C4orf17: variants seen among roughly 807,000 people sequenced by gnomAD.
C4orf17 encodes uncharacterized protein C4orf17.
A neutral mutation model predicts 32.0 loss-of-function variants in C4orf17; 25 were observed. That is an observed-to-expected ratio of 0.78 (90% CI 0.57 to 1.09). C4orf17 has a LOEUF of 1.09. Among genes scored for constraint, C4orf17 ranks in the 50% least tolerant of loss-of-function variants. C4orf17 has a pLI of 0.00. For missense variants in C4orf17, 420 were observed against 420.0 expected (o/e 1.00, Z 0.00); for synonymous variants, 149 against 145.8 (o/e 1.02, Z -0.16).
At chr4:99,517,829 T>A (rs1723212306) in intron 2 of C4orf17, among the ~76,000 whole-genome samples, 1 of 152,176 alleles carries the variant, frequency 6.6e-6, no homozygotes, top group South Asian at 2.1e-4. Context: ...TCTTCAAAAG[T>A]TTAGACCTGT....
chr4:99,522,793 C>T, intron 3 of C4orf17, 84 bp downstream of exon 3: 3 of 1,060,074 alleles, frequency 2.8e-6, no homozygotes, highest in Non-Finnish European at 4.1e-6. Flanking sequence ...GCTAAAATAG[C>T]TGCAGTGGTT....
At chr4:99,532,187 C>T (rs1414926568) in intron 5 of C4orf17, among the ~76,000 whole-genome samples, 1 of 152,096 alleles carries the variant, frequency 6.6e-6, no homozygotes, top group Non-Finnish European at 1.5e-5. Flanking sequence ...CCAGCAGTCC[C>T]ATTACTGGGT....
At chr4:99,520,015 AT>A (rs1723256765) in intron 2 of C4orf17, among the ~76,000 whole-genome samples, 1 of 152,112 alleles carries the variant, frequency 6.6e-6, no homozygotes, top group African/African-American at 2.4e-5. Context: ...CTTGGATTAC[AT>A]TGTCTTGGCC....
At chr4:99,526,242 G>A (rs1247367013) in intron 4 of C4orf17, among the ~76,000 whole-genome samples, 1 of 152,154 alleles carries the variant, frequency 6.6e-6, no homozygotes, top group African/African-American at 2.4e-5. Flanking sequence ...TCAGTATCTA[G>A]CTGAGATGAT....
rs141069743 is a variant in C4orf17, at chr4:99,538,423, C to G, written c.628+673C>G. 2.0e-5 allele frequency among the ~76,000 whole-genome samples: 3 copies of G among 152,200 alleles called. No homozygotes were observed. The South Asian group carries it at 6.2e-4, about 32-fold the overall frequency. Reference sequence around the variant, plus strand: ...GATGCTGATAATGCTGGTCTCAGCACTACTCTTTGAGAATCACTGCACTGA... The same window carrying G: ...GATGCTGATAATGCTGGTCTCAGCAGTACTCTTTGAGAATCACTGCACTGA... On this transcript the variant is annotated intron_variant, in intron 6 of 8. Transcript: ENST00000326581.
Position 99,542,219 on chromosome 4 carries a change from AT to A in C4orf17, c.*111del. On this transcript the variant is annotated 3_prime_UTR_variant, in exon 9 of 9. Coordinates refer to ENST00000326581, the MANE Select transcript of C4orf17 (RefSeq NM_032149.3). ...ATTGAGGAATCAAGTGGTCCTCTTT[AT>A]GGTGGCACATGTAAATCTAAAAATA... 1 of 835,838 alleles carries A rather than the reference AT, an allele frequency of 1.2e-6. No homozygotes were observed. Among genetic ancestry groups the A allele is most frequent in the Non-Finnish European group, 2.0e-6 (1 of 508,120 alleles). The allele number at this position is 835,838 out of a possible 1,614,324, so 51.8% of individuals were successfully genotyped here.
At chr4:99,541,367 A>G (rs1360008729) in intron 8 of C4orf17, 2 of 153,460 alleles carry the variant, frequency 1.3e-5, no homozygotes, top group East Asian at 3.8e-4. Flanking sequence ...ACATCATGAC[A>G]GTGATGGTTT....
At chr4:99,536,051 T>C (rs1175577778) in intron 5 of C4orf17, 2 of 425,860 alleles carry the variant, frequency 4.7e-6, no homozygotes, top group Non-Finnish European at 9.2e-6. Flanking sequence ...AGAGGTATCA[T>C]CAGTGAGAGT....
intron 2 of C4orf17, chr4:99,519,188 G>A (rs1723245321): frequency 6.6e-6 from 1 of 152,216 alleles, no homozygotes; most frequent in Non-Finnish European, 1.5e-5. Flanking sequence ...TTCCAGATAA[G>A]GGGGCCAGGC....
chr4:99,515,525 A>C (rs1164584344), intron 2 of C4orf17, among the ~76,000 whole-genome samples: 2 of 152,076 alleles, frequency 1.3e-5, no homozygotes, highest in Non-Finnish European at 2.9e-5. Flanking sequence ...GAGGGGAACA[A>C]CACACACTGG....
At chr4:99,518,518 AATAT>A (rs1323508832) in intron 2 of C4orf17, among the ~76,000 whole-genome samples, 17 of 16,828 alleles carry the variant, frequency 1.0e-3, no homozygotes, top group South Asian at 4.3e-3. Flanking sequence ...AAAAAAAAAA[AATAT>A]ATATATATAT....
rs1000895387 is a variant in C4orf17, at chr4:99,524,092, G to A, written c.338-429G>A. ...CCTCCTGGGTTCACGCCATTCTCCT[G>A]CCTCAGCCTCCCAAGTAGCTGGGAC... On this transcript the variant is annotated intron_variant, in intron 3 of 8. Coordinates refer to ENST00000326581, the MANE Select transcript of C4orf17 (RefSeq NM_032149.3). 4.7e-5 allele frequency among the ~76,000 whole-genome samples: 7 copies of A among 147,746 alleles called. No individual in the cohort carries two copies. The East Asian group carries it at 1.4e-3, about 30-fold the overall frequency.
Position 99,522,717 on chromosome 4 carries a change from G to GAGTT in C4orf17, c.337+11_337+14dup. 6.2e-7 allele frequency: 1 copy of GAGTT among 1,608,060 alleles called. No individual in the cohort carries two copies. Among genetic ancestry groups the GAGTT allele is most frequent in the Admixed American group, 1.7e-5 (1 of 59,858 alleles). ...CTCCACGGCCTCATTCTGGTGAGTTGAGTTAGAACTGATGAAATGTTTCCT... is the reference window on the plus strand; with the variant it reads ...CTCCACGGCCTCATTCTGGTGAGTTGAGTTAGTTAGAACTGATGAAATGTTTCCT... On this transcript the variant is annotated intron_variant, in intron 3 of 8. Transcript: ENST00000326581.
chr4:99,537,126 G>C (rs1283739608), intron 5 of C4orf17, among the ~76,000 whole-genome samples: 2 of 152,110 alleles, frequency 1.3e-5, no homozygotes, highest in African/African-American at 4.8e-5. Flanking sequence ...ATTTACCTTA[G>C]ACCTTGGTAC....
intron 7 of C4orf17, 101 bp downstream of exon 7, chr4:99,539,471 A>AG: frequency 8.7e-6 from 8 of 920,010 alleles, no homozygotes; most frequent in Non-Finnish European, 1.4e-5. Context: ...AGGAGGTTCT[A>AG]AAGCTCCGCT....
intron 2 of C4orf17, among the ~76,000 whole-genome samples, chr4:99,516,119 G>T (rs1481080851): frequency 6.6e-6 from 1 of 152,150 alleles, no homozygotes; most frequent in African/African-American, 2.4e-5. Context: ...AAAGGGAGAA[G>T]GTGAAGTCAT....
At chr4:99,516,413 C>G (rs1187581827) in intron 2 of C4orf17, among the ~76,000 whole-genome samples, 3 of 152,176 alleles carry the variant, frequency 2.0e-5, no homozygotes, top group East Asian at 1.9e-4. Context: ...TGGGAGTCAT[C>G]AGCATAGAAA....
chr4:99,539,047 A>C, intron 6 of C4orf17, 116 bp from the exon 7 acceptor site: 2 of 946,396 alleles, frequency 2.1e-6, no homozygotes, highest in Non-Finnish European at 3.3e-6. Flanking sequence ...ATAGGTAACT[A>C]TCCAGAAAAT....
At chr4:99,518,763 G>C (rs914080092) in intron 2 of C4orf17, among the ~76,000 whole-genome samples, 1 of 150,586 alleles carries the variant, frequency 6.6e-6, no homozygotes, top group South Asian at 2.1e-4. Flanking sequence ...ACTTGTCTAA[G>C]TTGCTTGAAC....
Sources: allele counts gnomAD v4.1 joint callset (sites outside exome capture counted in the v4.1 genomes callset), GRCh38; gene constraint gnomAD v4.1.1; transcripts MANE v1.5; gene names NCBI Gene and HGNC (gene_info 2026-07-23, HGNC 2026-07-21).